HM13: variants seen among roughly 807,000 people sequenced by gnomAD.
HM13 encodes the protein signal peptide peptidase.
Under a neutral mutation model 50.0 loss-of-function variants are expected in HM13, and 18 were observed. That is an observed-to-expected ratio of 0.36 (90% confidence interval 0.25 to 0.53). The LOEUF is 0.53. Ranked by LOEUF, HM13 falls within the 20% of genes least tolerant of loss-of-function variation. HM13 has a pLI of 0.90. For synonymous variants in HM13, 197 were observed against 232.6 expected (o/e 0.85, Z 1.39); for missense variants, 393 against 552.4 (o/e 0.71, Z 2.89).
intron 12 of HM13, 171 bp downstream of exon 12, chr20:31,568,395 G>A: frequency 1.0e-6 from 1 of 977,242 alleles, no homozygotes; most frequent in Non-Finnish European, 1.5e-6. Context: ...CATAGGGCTG[G>A]GAAGCAGGAC....
At chr20:31,518,209 A>G (rs1013093447) in intron 1 of HM13, among the ~76,000 whole-genome samples, 1 of 151,268 alleles carries the variant, frequency 6.6e-6, no homozygotes, top group African/African-American at 2.4e-5. Flanking sequence ...CTAATTTTGT[A>G]TTTTTAGTAG....
At chr20:31,544,426 T>G (rs187049740) in intron 3 of HM13, among the ~76,000 whole-genome samples, 3 of 152,350 alleles carry the variant, frequency 2.0e-5, no homozygotes, top group East Asian at 3.9e-4. Context: ...GGGGCTATGA[T>G]TCATCTGGCT....
intron 10 of HM13, among the ~76,000 whole-genome samples, chr20:31,564,863 AAAAG>A (rs1248096119): frequency 5.3e-5 from 8 of 150,892 alleles, no homozygotes; most frequent in African/African-American, 1.5e-4. Context: ...AAAAAAAAAA[AAAAG>A]AAAAGAAAAG....
chr20:31,527,217 A>G (rs911329985), intron 1 of HM13, among the ~76,000 whole-genome samples: 1 of 152,174 alleles, frequency 6.6e-6, no homozygotes, highest in Non-Finnish European at 1.5e-5. Flanking sequence ...GCATGCCTAT[A>G]GTCCCAGCTA....
Position 31,569,198 on chromosome 20 carries a change from G to A in HM13, c.1260G>A (p.Gly420=), listed in dbSNP as rs199587821. The change falls in exon 13 of 13, where the codon GGG becomes GGA. Residue 420 remains glycine, a synonymous_variant. Coordinates refer to ENST00000398174, the MANE Select transcript of HM13 (RefSeq NM_178581.3). The stretch of plus-strand genomic sequence containing the variant: ...GAACAGAGGCATCAGCATCGAAGGG[G>A]CTGGAGAAGAAAGAGAAATGATGCA... ...KEGTEASASK[G]LEKKEK is the part of the protein sequence containing the mutation. 2.1e-4 allele frequency: 334 copies of A among 1,597,870 alleles called. No individual in the cohort carries two copies. Among genetic ancestry groups the A allele is most frequent in the Middle Eastern group, 1.2e-3 (6 of 5,092 alleles).
intron 2 of HM13, among the ~76,000 whole-genome samples, chr20:31,537,733 A>G (rs1052649802): frequency 2.6e-5 from 4 of 152,170 alleles, no homozygotes; most frequent in Non-Finnish European, 5.9e-5. Context: ...AGTGGGACAG[A>G]TGTCTTGTAA....
chr20:31,545,827 T>C (rs1470154421), intron 4 of HM13, among the ~76,000 whole-genome samples: 2 of 151,934 alleles, frequency 1.3e-5, no homozygotes, highest in African/African-American at 4.8e-5. Flanking sequence ...ACTGAGTAAT[T>C]GAGATTACAG....
intron 3 of HM13, chr20:31,539,050 T>A (rs1161959781): frequency 1.0e-6 from 1 of 983,872 alleles, no homozygotes; most frequent in Non-Finnish European, 1.2e-6. Flanking sequence ...CAGGTGTGGC[T>A]CCAGAGCCCA....
At chr20:31,539,497 G>A in intron 3 of HM13, 2 of 985,490 alleles carry the variant, frequency 2.0e-6, no homozygotes, top group South Asian at 9.4e-5. Context: ...GCTCCCAAAA[G>A]CATTGAAAGC....
chr20:31,523,820 C>A (rs1982323737), intron 1 of HM13, among the ~76,000 whole-genome samples: 1 of 152,256 alleles, frequency 6.6e-6, no homozygotes, highest in South Asian at 2.1e-4. Context: ...GAAACTGGGC[C>A]TCTCATGTGG....
rs1302112263 is a variant in HM13, at chr20:31,542,244, C to G, written c.366-2703C>G. 3.3e-5 allele frequency among the ~76,000 whole-genome samples: 5 copies of G among 152,250 alleles called. No individual in the cohort carries two copies. The East Asian group carries it at 9.6e-4, about 29-fold the overall frequency. The stretch of plus-strand genomic sequence containing the variant: ...CAGCCTGCCTTACCTTGTGTAGTCA[C>G]CAAGATTCAAACCCAAGACATCCTT... On this transcript the variant is annotated intron_variant, in intron 3 of 12. Coordinates refer to ENST00000398174, the MANE Select transcript of HM13 (RefSeq NM_178581.3).
chr20:31,536,494 G>T (rs900403959), intron 2 of HM13, among the ~76,000 whole-genome samples: 1 of 152,082 alleles, frequency 6.6e-6, no homozygotes, highest in Admixed American at 6.6e-5. Flanking sequence ...GCCCTGCAGG[G>T]TCTTCTACAC....
intron 4 of HM13, chr20:31,548,738 C>T (rs1319177067): frequency 2.2e-6 from 1 of 454,646 alleles, no homozygotes; most frequent in Non-Finnish European, 4.0e-6. Flanking sequence ...CTACAAGTAA[C>T]AAAGCCTGTG....
chr20:31,568,518 C>T (rs562461154), intron 12 of HM13, among the ~76,000 whole-genome samples: 2 of 152,276 alleles, frequency 1.3e-5, no homozygotes, highest in South Asian at 2.1e-4. Flanking sequence ...ATATGTATAA[C>T]CTTAGGCAAG....
At chr20:31,558,706 G>T (rs1219514904) in intron 8 of HM13, among the ~76,000 whole-genome samples, 1 of 151,708 alleles carries the variant, frequency 6.6e-6, no homozygotes, top group Non-Finnish European at 1.5e-5. Flanking sequence ...GGCGTGCACT[G>T]CCATGCCCAG....
Position 31,543,553 on chromosome 20 carries a change from T to C in HM13, c.366-1394T>C, listed in dbSNP as rs149714136. Among the ~76,000 whole-genome samples the C allele has an allele frequency of 4.8e-3, 730 of 152,004 alleles. 1 individual carries two copies. Among genetic ancestry groups the C allele is most frequent in the Middle Eastern group, 0.014 (4 of 294 alleles). Reference sequence around the variant, plus strand: ...ATCCGCCACCTCAGCCTCCCAAATGTTGGGATTACAGGCGTGAGCCACTGC... The same window carrying C: ...ATCCGCCACCTCAGCCTCCCAAATGCTGGGATTACAGGCGTGAGCCACTGC... On this transcript the variant is annotated intron_variant, in intron 3 of 12. Coordinates refer to ENST00000398174, the MANE Select transcript of HM13 (RefSeq NM_178581.3).
In HM13 at chr20:31,568,231, C is replaced by G; in HGVS notation, c.1181+7C>G. On this transcript the variant is annotated splice_region_variant and intron_variant, in intron 12 of 12. Transcript: ENST00000398174. ...CGCAGAATCCCAGCGCCATGTAATGCCCAGCGGGTGCCCACCTGCCCGCTT... is the reference window on the plus strand; with the variant it reads ...CGCAGAATCCCAGCGCCATGTAATGGCCAGCGGGTGCCCACCTGCCCGCTT... The G allele has an allele frequency of 6.2e-7, 1 of 1,611,264 alleles. No homozygotes were observed. Among genetic ancestry groups the G allele is most frequent in the African/African-American group, 1.3e-5 (1 of 75,058 alleles).
intron 9 of HM13, among the ~76,000 whole-genome samples, chr20:31,560,206 CAAGA>C (rs1036567717): frequency 6.6e-6 from 1 of 152,198 alleles, no homozygotes; most frequent in Non-Finnish European, 1.5e-5. Context: ...GTTTAAAACA[CAAGA>C]AAGGTCTTAT....
At chr20:31,547,167 G>A (rs1983770329) in intron 4 of HM13, among the ~76,000 whole-genome samples, 1 of 152,212 alleles carries the variant, frequency 6.6e-6, no homozygotes, top group Non-Finnish European at 1.5e-5. Context: ...ACTCATCAGG[G>A]TGCGCATCTG....
Sources: allele counts gnomAD v4.1 joint callset (sites outside exome capture counted in the v4.1 genomes callset), GRCh38; gene constraint gnomAD v4.1.1; transcripts MANE v1.5; gene names NCBI Gene and HGNC (gene_info 2026-07-23, HGNC 2026-07-21).